The following BRI3 variants were observed in gnomAD, a reference collection of about 807,000 sequenced individuals.
BRI3 encodes membrane protein BRI3.
BRI3 carries 6 observed loss-of-function variants against 12.8 expected under a neutral mutation model. The ratio of observed to expected loss-of-function variants is 0.47; its 90% CI spans 0.26 to 0.93. The LOEUF (loss-of-function observed/expected upper bound fraction) is 0.93. Ranked by LOEUF, BRI3 falls within the 40% of genes least tolerant of loss-of-function variation. BRI3 has a pLI of 0.15. For missense variants in BRI3, 134 were observed against 171.1 expected, an observed-to-expected ratio of 0.78 and a Z score of 1.21; for synonymous variants, 91 against 76.1, an observed-to-expected ratio of 1.20 and a Z score of -1.02.
the BRI3 span, among the ~76,000 whole-genome samples, chr7:98,319,749 C>T: frequency 6.6e-6 from 1 of 152,124 alleles, no homozygotes; most frequent in African/African-American, 2.4e-5. Flanking sequence ...TGGGGTTTCA[C>T]TATGTTGGCC....
Position 98,290,178 on chromosome 7 carries a change from G to GTTTT in BRI3, c.246-931_246-930insTTTT, listed in dbSNP as rs1200763476. On this transcript the variant is annotated intron_variant, in intron 2 of 2. Coordinates refer to ENST00000297290, the MANE Select transcript of BRI3 (RefSeq NM_015379.5). ...CACCAAAATGATCATGCCTCTCAAG[G>GTTTT]TTGTTTTTTTTTTTTTTTTTTTTTT... Among the ~76,000 whole-genome samples, 37 of 92,284 alleles carry GTTTT rather than the reference G, an allele frequency of 4.0e-4. 1 individual carries two copies. The highest frequency in any genetic ancestry group is 8.8e-4 in the African/African-American group (25 of 28,346). 60.5% of individuals were successfully genotyped at this position (92,284 alleles called of 152,430 possible). A position where few individuals can be genotyped will look rare whatever the true frequency, so the allele number is the denominator to read the frequency against.
chr7:98,320,084 T>C, the BRI3 span: 1 of 1,613,764 alleles, frequency 6.2e-7, no homozygotes, highest in Non-Finnish European at 8.5e-7. Context: ...TCAAGTTCTA[T>C]CTTCTTCTCC....
At chr7:98,289,462 A>T (rs1799824299) in intron 2 of BRI3, among the ~76,000 whole-genome samples, 1 of 152,150 alleles carries the variant, frequency 6.6e-6, no homozygotes, top group African/African-American at 2.4e-5. Context: ...GGATGGGAGT[A>T]GGGTCCCCCA....
At chr7:98,290,538 G>A (rs565994265) in intron 2 of BRI3, among the ~76,000 whole-genome samples, 5 of 150,332 alleles carry the variant, frequency 3.3e-5, no homozygotes, top group East Asian at 2.0e-4. Flanking sequence ...TCGCTCTGTC[G>A]CCCAGCCTGG....
chr7:98,312,192 T>C (rs1481100438), downstream of BRI3: 2 of 1,614,062 alleles, frequency 1.2e-6, no homozygotes, highest in Non-Finnish European at 1.7e-6. Flanking sequence ...TTCATGATTT[T>C]CTCTGGCACT....
At chr7:98,295,439 C>T (rs374190862), downstream of BRI3, among the ~76,000 whole-genome samples, 3 of 152,202 alleles carry the variant, frequency 2.0e-5, no homozygotes, top group Admixed American at 6.5e-5. Context: ...GGGCACTCAA[C>T]GCTTCCCTAG....
At chr7:98,287,923 T>C (rs1422032371) in intron 2 of BRI3, among the ~76,000 whole-genome samples, 5 of 152,162 alleles carry the variant, frequency 3.3e-5, no homozygotes, top group Admixed American at 3.3e-4. Flanking sequence ...TCTGGGCCTT[T>C]GAACAGGCAG....
At position 98,281,811 on chromosome 7, in the gene BRI3, C is replaced by T; in HGVS notation, c.16C>T (p.Leu6=). The T allele has an allele frequency of 8.1e-7, 1 of 1,237,950 alleles. No individual in the cohort carries two copies. The highest frequency in any genetic ancestry group is 1.0e-6 in the Non-Finnish European group (1 of 987,480). 76.7% of individuals were successfully genotyped at this position (1,237,950 alleles called of 1,614,324 possible). The change falls in exon 1 of 3, where the codon CTG becomes TTG. Residue 6 remains leucine (L), a synonymous_variant. Coordinates refer to ENST00000297290, the MANE Select transcript of BRI3 (RefSeq NM_015379.5). ...CCGGGCCGCCATGGACCACAAGCCG[C>T]TGCTGCAGGAGCGGCCGCCCGCCTA... is the stretch of plus-strand genomic sequence containing the variant. MDHKP[L]LQERPPAYNL...
downstream of BRI3, chr7:98,310,663 G>GTTTTT: frequency 1.1e-6 from 1 of 937,142 alleles, no homozygotes; most frequent in Non-Finnish European, 1.4e-6. Context: ...TCCCAAGGCT[G>GTTTTT]TTTTTTTTTT....
chr7:98,313,629 C>CT (rs1324051159), downstream of BRI3, among the ~76,000 whole-genome samples: 1 of 151,992 alleles, frequency 6.6e-6, no homozygotes, highest in Non-Finnish European at 1.5e-5. Flanking sequence ...TTTTCTTCTG[C>CT]TTTTTTGAGA....
At chr7:98,282,097 C>T (rs1402502570) in intron 1 of BRI3, among the ~76,000 whole-genome samples, 160 bp downstream of exon 1, 1 of 152,044 alleles carries the variant, frequency 6.6e-6, no homozygotes. Context: ...GGGCCAGCCT[C>T]CCCCCCGGGG....
the BRI3 span, chr7:98,320,201 G>C: frequency 1.3e-6 from 2 of 1,586,738 alleles, no homozygotes; most frequent in Non-Finnish European, 1.7e-6. Context: ...AACCTGAAAT[G>C]AGTGTATTTT....
exon 2 of BRI3, chr7:98,309,033 A>T (rs1800774147): frequency 6.6e-6 from 1 of 151,930 alleles, no homozygotes; most frequent in Non-Finnish European, 1.5e-5. Flanking sequence ...AGCATCTTTA[A>T]TTTAAAACAA....
At chr7:98,307,418 T>G (rs1262167324) in intron 1 of BRI3, 2 of 1,288,048 alleles carry the variant, frequency 1.6e-6, no homozygotes. Context: ...TGCTAAATTT[T>G]TTTTAAAAAC....
chr7:98,306,355 GAC>G, upstream of BRI3: 1 of 1,519,342 alleles, frequency 6.6e-7, no homozygotes, highest in Middle Eastern at 1.7e-4. Flanking sequence ...CAGGGCCTGC[GAC>G]ACAGCTAGAT....
downstream of BRI3, chr7:98,292,738 A>G (rs1334428049): frequency 6.4e-7 from 1 of 1,551,316 alleles, no homozygotes; most frequent in Non-Finnish European, 8.7e-7. Flanking sequence ...GTGTACTGGT[A>G]ATGGATGCAG....
At chr7:98,307,943 C>A in exon 2 of BRI3, 2 of 1,567,660 alleles carry the variant, frequency 1.3e-6, no homozygotes, top group South Asian at 2.2e-5. Context: ...GCATGAGAAT[C>A]AATAGGCACA....
exon 2 of BRI3, chr7:98,307,768 C>T: frequency 6.2e-7 from 1 of 1,614,248 alleles, no homozygotes; most frequent in South Asian, 1.1e-5. Flanking sequence ...TCTCCCTGTG[C>T]AAAGCTGAGT....
intron 1 of BRI3, among the ~76,000 whole-genome samples, chr7:98,298,259 T>C (rs1800271716): frequency 6.6e-6 from 1 of 152,080 alleles, no homozygotes. Flanking sequence ...AGCATTCCAG[T>C]GTCACACGAC....
Sources: allele counts gnomAD v4.1 joint callset (sites outside exome capture counted in the v4.1 genomes callset), GRCh38; gene constraint gnomAD v4.1.1; transcripts MANE v1.5; gene names NCBI Gene and HGNC (gene_info 2026-07-23, HGNC 2026-07-21).